ABCB1: variants seen among roughly 807,000 people sequenced by gnomAD.
ABCB1 encodes ATP binding cassette subfamily B member 1, also known as ATP-dependent translocase ABCB1.
In ABCB1, 69 loss-of-function variants were observed where a neutral mutation model predicts 142.0. That is an observed-to-expected ratio of 0.49 (90% CI 0.40 to 0.59). ABCB1 has a LOEUF of 0.59. Ranked by LOEUF, ABCB1 falls within the 20% of genes least tolerant of loss-of-function variation. The pLI is 0.00. For synonymous variants in ABCB1, 532 were observed against 539.2 expected (o/e 0.99, Z 0.18); for missense variants, 1,326 against 1,554.7 (o/e 0.85, Z 2.47).
intron 4 of ABCB1, among the ~76,000 whole-genome samples, chr7:87,573,891 G>T (rs369341710): frequency 0.015 from 2,251 of 151,478 alleles, 64 homozygotes; most frequent in African/African-American, 0.051. Context: ...AAACCTACAC[G>T]ATATATATAT....
intron 1 of ABCB1, among the ~76,000 whole-genome samples, chr7:87,655,025 G>A (rs1007912664): frequency 1.4e-4 from 21 of 151,964 alleles, no homozygotes; most frequent in African/African-American, 3.9e-4. Context: ...TCAAACAGCC[G>A]AAGGATAACA....
intron 26 of ABCB1, among the ~76,000 whole-genome samples, chr7:87,506,965 A>C (rs953123681): frequency 2.6e-5 from 4 of 152,208 alleles, no homozygotes; most frequent in African/African-American, 9.6e-5. Flanking sequence ...AGGCAGGAGC[A>C]CTGAAGTGTA....
intron 5 of ABCB1, 39 bp downstream of exon 5, chr7:87,570,133 T>A (rs777478314): frequency 1.3e-6 from 2 of 1,568,804 alleles, no homozygotes. Flanking sequence ...TTGATGAATA[T>A]AGAAAAACTT....
chr7:87,526,853 T>G (rs1380959767), intron 21 of ABCB1, among the ~76,000 whole-genome samples: 1 of 152,148 alleles, frequency 6.6e-6, no homozygotes, highest in Non-Finnish European at 1.5e-5. Context: ...GCTTTACACA[T>G]AAGAGCATAT....
At chr7:87,652,359 C>CA (rs1823660257) in intron 1 of ABCB1, among the ~76,000 whole-genome samples, 1 of 152,026 alleles carries the variant, frequency 6.6e-6, no homozygotes, top group African/African-American at 2.4e-5. Context: ...GCCTCCTGCG[C>CA]ACTAATCTGC....
intron 23 of ABCB1, chr7:87,519,016 G>T: frequency 2.5e-6 from 1 of 405,528 alleles, no homozygotes; most frequent in Non-Finnish European, 4.5e-6. Context: ...CAGACTCCTT[G>T]CTCAGGGCTA....
intron 24 of ABCB1, 144 bp from the exon 25 acceptor site, chr7:87,515,572 A>AT (rs1815202877): frequency 2.1e-6 from 1 of 477,316 alleles, no homozygotes; most frequent in Non-Finnish European, 3.4e-6. Flanking sequence ...AATTTATTTT[A>AT]TTTTAATTTT....
chr7:87,635,283 C>T (rs1584957561), intron 1 of ABCB1, among the ~76,000 whole-genome samples: 2 of 152,130 alleles, frequency 1.3e-5, no homozygotes, highest in East Asian at 3.8e-4. Context: ...TGGAAAGATT[C>T]CATCAGTCTG....
intron 1 of ABCB1, among the ~76,000 whole-genome samples, chr7:87,638,744 A>C (rs185695879): frequency 1.1e-4 from 17 of 151,738 alleles, no homozygotes; most frequent in Admixed American, 1.1e-3. Flanking sequence ...TTTGCTAGGC[A>C]TTTATTAATT....
intron 1 of ABCB1, among the ~76,000 whole-genome samples, chr7:87,633,281 A>G (rs1821409583): frequency 6.6e-6 from 1 of 152,226 alleles, no homozygotes; most frequent in Non-Finnish European, 1.5e-5. Flanking sequence ...TCCACAACAC[A>G]TAATATTTAC....
At chr7:87,620,380 G>A (rs1470607401) in intron 1 of ABCB1, among the ~76,000 whole-genome samples, 1 of 152,152 alleles carries the variant, frequency 6.6e-6, no homozygotes, top group South Asian at 2.1e-4. Context: ...GGCTCGTCTC[G>A]AACTCCTGAC....
intron 1 of ABCB1, among the ~76,000 whole-genome samples, chr7:87,693,045 T>C (rs1264519871): frequency 6.6e-6 from 1 of 152,176 alleles, no homozygotes; most frequent in African/African-American, 2.4e-5. Flanking sequence ...ATCTAAGTGT[T>C]TGGAAAGGTG....
At chr7:87,578,959 C>T (rs1023698301) in intron 4 of ABCB1, among the ~76,000 whole-genome samples, 1 of 152,116 alleles carries the variant, frequency 6.6e-6, no homozygotes, top group African/African-American at 2.4e-5. Context: ...TCCCAAAGTG[C>T]TGGGATTACA....
At chr7:87,629,816 C>T (rs1194714752) in intron 1 of ABCB1, among the ~76,000 whole-genome samples, 2 of 151,322 alleles carry the variant, frequency 1.3e-5, no homozygotes, top group Non-Finnish European at 1.5e-5. Flanking sequence ...ATCCCAGCTA[C>T]TCGGGAGGGT....
intron 20 of ABCB1, among the ~76,000 whole-genome samples, chr7:87,534,917 T>TAAAAAAAA (rs139364527): frequency 1.2e-4 from 11 of 91,788 alleles, no homozygotes; most frequent in African/African-American, 4.7e-4. Context: ...CCTGTCTCTT[T>TAAAAAAAA]AAAAAAAAAA....
intron 13 of ABCB1, 23 bp from the exon 14 acceptor site, chr7:87,549,541 A>G (rs1816954828): frequency 6.2e-7 from 1 of 1,614,214 alleles, no homozygotes; most frequent in African/African-American, 1.3e-5. Flanking sequence ...ACCCAGAATG[A>G]TTTAGCATAA....
At chr7:87,630,688 C>CT (rs771607643) in intron 1 of ABCB1, among the ~76,000 whole-genome samples, 2,062 of 142,312 alleles carry the variant, frequency 0.014, 23 homozygotes, top group Non-Finnish European at 0.022. Flanking sequence ...TTTGCTTAGT[C>CT]TTTTTTTTTT....
chr7:87,625,628 C>T (rs114546814), intron 1 of ABCB1, among the ~76,000 whole-genome samples: 128 of 152,308 alleles, frequency 8.4e-4, no homozygotes, highest in African/African-American at 3.0e-3. Flanking sequence ...AAATATTTTG[C>T]TGAGACTGCC....
At chr7:87,600,296 G>GCC (rs1462083451) in intron 1 of ABCB1, 106 bp from the exon 2 acceptor site, 11 of 920,720 alleles carry the variant, frequency 1.2e-5, no homozygotes, top group Non-Finnish European at 1.5e-5. Flanking sequence ...GTAAGAGGGA[G>GCC]CGCCCGCCGT....
Sources: allele counts gnomAD v4.1 joint callset (sites outside exome capture counted in the v4.1 genomes callset), GRCh38; gene constraint gnomAD v4.1.1; transcripts MANE v1.5; gene names NCBI Gene and HGNC (gene_info 2026-07-23, HGNC 2026-07-21).